MTMR8: variants seen among roughly 807,000 people sequenced by gnomAD.
MTMR8 encodes the protein phosphatidylinositol-3,5-bisphosphate 3-phosphatase MTMR8.
A neutral mutation model predicts 39.3 loss-of-function variants in MTMR8; 65 were observed. The ratio of observed to expected loss-of-function variants is 1.65; its 90% CI spans 1.35 to 2.03. The LOEUF is 2.03. Ranked by LOEUF, MTMR8 falls within the 30% of genes most tolerant of loss-of-function variation. The pLI is 0.00. For synonymous variants in MTMR8, 245 were observed against 185.2 expected (o/e 1.32, Z -2.62); for missense variants, 777 against 538.9 (o/e 1.44, Z -4.37).
intron 12 of MTMR8, among the ~76,000 whole-genome samples, chrX:64,324,483 G>T (rs1470166260): frequency 3.7e-5 from 4 of 108,294 alleles, no homozygotes; most frequent in Non-Finnish European, 7.7e-5. Context: ...AGGAGTTCAA[G>T]ACCAGCCTGG....
In MTMR8 at chrX:64,349,883, T is replaced by G. The variant is rs1292064020; in HGVS notation, c.597+59A>C. ...CAGCTACTAAGTGGCAGCATGAAAC[T>G]TAAAACAGGTCTTCCAGAGCCATGT... is the stretch of plus-strand genomic sequence containing the variant. On this transcript the variant is annotated intron_variant, in intron 5 of 13. Coordinates refer to ENST00000374852, the MANE Select transcript of MTMR8 (RefSeq NM_017677.4). 1.7e-5 allele frequency: 17 copies of G among 1,009,388 alleles called. No homozygotes were observed. The East Asian group carries it at 6.3e-4, about 38-fold the overall frequency. The allele number at this position is 1,009,388 out of a possible 1,213,427, so 83.2% of individuals were successfully genotyped here.
intron 12 of MTMR8, among the ~76,000 whole-genome samples, chrX:64,308,320 A>ATT (rs778962275): frequency 0.069 from 4,784 of 69,391 alleles, 602 homozygotes; most frequent in African/African-American, 0.28. Flanking sequence ...ACGGCTGGCT[A>ATT]TTTTTTTTTT....
chrX:64,279,262 C>A (rs759248756), intron 12 of MTMR8, among the ~76,000 whole-genome samples: 7 of 111,810 alleles, frequency 6.3e-5, no homozygotes, highest in Admixed American at 3.8e-4. Context: ...CCAGAGTTAC[C>A]CTTATACCAA....
chrX:64,305,574 T>A (rs1922081673), intron 12 of MTMR8: 2 of 479,079 alleles, frequency 4.2e-6, no homozygotes, highest in African/African-American at 2.4e-5. Flanking sequence ...AGTAGCCATG[T>A]TGCTCACAGC....
At position 64,317,237 on chromosome X, in the gene MTMR8, C is replaced by G. The variant is rs768178627; in HGVS notation, c.1481+11535G>C. ...AGCTTCTCGAATCTATACGTATAAG[C>G]CTTTTGCCATACTGGAATATTATCA... is the stretch of plus-strand genomic sequence containing the variant. On this transcript the variant is annotated intron_variant, in intron 12 of 13. Coordinates refer to ENST00000374852, the MANE Select transcript of MTMR8 (RefSeq NM_017677.4). Among the ~76,000 whole-genome samples the G allele has an allele frequency of 3.6e-5, 4 of 111,532 alleles. No individual in the cohort carries two copies. The South Asian group carries it at 1.1e-3, about 32-fold the overall frequency.
chrX:64,382,321 C>G (rs1223511841), intron 1 of MTMR8, among the ~76,000 whole-genome samples: 2 of 111,538 alleles, frequency 1.8e-5, no homozygotes, highest in African/African-American at 6.5e-5. Context: ...TCCTTCACGT[C>G]CCTTGTAAGT....
At chrX:64,309,471 C>G (rs1216680159) in intron 12 of MTMR8, among the ~76,000 whole-genome samples, 1 of 109,014 alleles carries the variant, frequency 9.2e-6, no homozygotes, top group Non-Finnish European at 1.9e-5. Flanking sequence ...CAAAAAAAAA[C>G]AGTTGTTCTC....
chrX:64,390,132 T>C (rs905878968), intron 1 of MTMR8, among the ~76,000 whole-genome samples: 2 of 112,114 alleles, frequency 1.8e-5, no homozygotes, highest in African/African-American at 6.5e-5. Context: ...AATAGGTTAT[T>C]AGAATGAAAA....
intron 12 of MTMR8, among the ~76,000 whole-genome samples, chrX:64,295,297 A>C (rs759804637): frequency 1.8e-5 from 2 of 111,618 alleles, no homozygotes; most frequent in Admixed American, 1.9e-4. Context: ...GGTAAACCTA[A>C]ATGCAAGAAC....
rs769571584 is a variant in MTMR8 at position 64,313,182 on chromosome X, G to A, written c.1481+15590C>T. On this transcript the variant is annotated intron_variant, in intron 12 of 13. Transcript: ENST00000374852. ...TACTAGGTAGCAGCTTCTTCCAATA[G>A]AAAGCTGCTTCATCTATATTGAAAA... Among the ~76,000 whole-genome samples, 176 of 112,341 alleles carry A rather than the reference G, an allele frequency of 1.6e-3. 1 individual carries two copies. The highest frequency in any genetic ancestry group is 5.5e-3 in the African/African-American group (170 of 30,985).
chrX:64,310,355 C>A (rs1408639773), intron 12 of MTMR8, among the ~76,000 whole-genome samples: 1 of 111,018 alleles, frequency 9.0e-6, no homozygotes, highest in Non-Finnish European at 1.9e-5. Flanking sequence ...ATTTATATTT[C>A]TCTTGGTATT....
At chrX:64,305,786 C>T (rs926603355) in intron 12 of MTMR8, 7 of 383,156 alleles carry the variant, frequency 1.8e-5, no homozygotes, top group African/African-American at 1.8e-4. Context: ...GTATGGTTTC[C>T]ATTGGTGGTG....
rs960426 is a variant in MTMR8 at position 64,352,583 on chromosome X, C to G, written c.468+2194G>C. Among the ~76,000 whole-genome samples, 8 of 111,474 alleles carry G rather than the reference C, an allele frequency of 7.2e-5. No homozygotes were observed. In the East Asian group the frequency reaches 2.0e-3, roughly 28 times the overall value. ...GAAGTCAAGTGTAAAATTGAAGACA[C>G]CATCTGCCCCTCTTCTTGTGGTCCT... On this transcript the variant is annotated intron_variant, in intron 4 of 13. Coordinates refer to ENST00000374852, the MANE Select transcript of MTMR8 (RefSeq NM_017677.4).
intron 8 of MTMR8, among the ~76,000 whole-genome samples, chrX:64,340,028 C>G (rs1458115860): frequency 9.0e-6 from 1 of 111,198 alleles, no homozygotes; most frequent in Non-Finnish European, 1.9e-5. Context: ...ATGGTACCAA[C>G]TAACATATCT....
At chrX:64,280,478 G>T (rs1931980591) in intron 12 of MTMR8, among the ~76,000 whole-genome samples, 1 of 111,662 alleles carries the variant, frequency 9.0e-6, no homozygotes, top group African/African-American at 3.2e-5. Context: ...TGCAGAAAAG[G>T]CCTTCGATAA....
chrX:64,364,919 G>A (rs1054426618), intron 1 of MTMR8, among the ~76,000 whole-genome samples: 4 of 111,481 alleles, frequency 3.6e-5, no homozygotes, highest in Non-Finnish European at 7.5e-5. Context: ...GACCTTAAAT[G>A]ACCCGATGGA....
chrX:64,283,157 A>G (rs1032305947), intron 12 of MTMR8, among the ~76,000 whole-genome samples: 1 of 112,066 alleles, frequency 8.9e-6, no homozygotes, highest in Non-Finnish European at 1.9e-5. Flanking sequence ...GTCACAGCAG[A>G]CGGCACACCA....
At chrX:64,339,031 A>C (rs1418742764) in intron 8 of MTMR8, among the ~76,000 whole-genome samples, 1 of 111,010 alleles carries the variant, frequency 9.0e-6, no homozygotes, top group Non-Finnish European at 1.9e-5. Context: ...TAGTTCGGGA[A>C]CATCTAATGG....
At chrX:64,337,760 C>T (rs1042392373) in intron 8 of MTMR8, among the ~76,000 whole-genome samples, 1 of 111,769 alleles carries the variant, frequency 8.9e-6, no homozygotes, top group South Asian at 3.8e-4. Context: ...ATTCTAGTCC[C>T]AGATCTGACA....
Sources: allele counts gnomAD v4.1 joint callset (sites outside exome capture counted in the v4.1 genomes callset), GRCh38; gene constraint gnomAD v4.1.1; transcripts MANE v1.5; gene names NCBI Gene and HGNC (gene_info 2026-07-23, HGNC 2026-07-21).